Variants in ZFYVE1 observed in about 807,000 individuals in gnomAD.
ZFYVE1 encodes the protein zinc finger FYVE domain-containing protein 1.
In ZFYVE1, 30 loss-of-function variants were observed where a neutral mutation model predicts 74.4. That is an observed-to-expected ratio of 0.40 (90% confidence interval 0.30 to 0.55). The LOEUF is 0.55. ZFYVE1 is among the 20% of genes least tolerant of loss of function. ZFYVE1 has a pLI of 0.42. For missense variants in ZFYVE1, 703 were observed against 1,011.6 expected (o/e 0.69, Z 4.14); for synonymous variants, 335 against 385.1 (o/e 0.87, Z 1.52).
At chr14:73,018,874 G>A (rs746714970) in intron 2 of ZFYVE1, among the ~76,000 whole-genome samples, 20 of 151,762 alleles carry the variant, frequency 1.3e-4, no homozygotes, top group Non-Finnish European at 2.6e-4. Flanking sequence ...AACCCAGGAG[G>A]CGGAGGTTGT....
chr14:73,016,883 GA>G lies in ZFYVE1; in HGVS notation c.483+7142del, dbSNP rs578144383. 6.0e-3 allele frequency among the ~76,000 whole-genome samples: 907 copies of G among 150,544 alleles called. 14 individuals carry two copies. The highest frequency in any genetic ancestry group is 0.021 in the African/African-American group (868 of 41,076). Reference sequence around the variant, plus strand: ...GAGCAAAACTCCAGTTCCCAAAGAAGAAAAAAAAAGATCAATGAATACAACT... The same window carrying G: ...GAGCAAAACTCCAGTTCCCAAAGAAGAAAAAAAAGATCAATGAATACAACT... On this transcript the variant is annotated intron_variant, in intron 2 of 11. Coordinates refer to ENST00000556143, the MANE Select transcript of ZFYVE1 (RefSeq NM_021260.4).
intron 2 of ZFYVE1, among the ~76,000 whole-genome samples, chr14:73,006,709 CTTTTTTTT>C (rs35364666): frequency 9.0e-5 from 7 of 77,638 alleles, no homozygotes; most frequent in Admixed American, 1.7e-4. Flanking sequence ...ACCCCAGTTC[CTTTTTTTT>C]TTTTTTTTTT....
chr14:72,988,724 T>C (rs1893540638), intron 4 of ZFYVE1, among the ~76,000 whole-genome samples: 1 of 150,552 alleles, frequency 6.6e-6, no homozygotes, highest in South Asian at 2.1e-4. Context: ...TGAGAATCAC[T>C]TGAACCTGGG....
At chr14:73,025,346 G>A (rs573646011) in intron 1 of ZFYVE1, among the ~76,000 whole-genome samples, 2 of 151,980 alleles carry the variant, frequency 1.3e-5, no homozygotes, top group African/African-American at 2.4e-5. Context: ...TGGGATTACA[G>A]GCGTGAGTCA....
In ZFYVE1 at chr14:73,020,999, G is replaced by T. The variant is rs550243544; in HGVS notation, c.483+3027C>A. Among the ~76,000 whole-genome samples the T allele has an allele frequency of 1.2e-4, 18 of 152,242 alleles. No homozygotes were observed. In the South Asian group the frequency reaches 3.7e-3, roughly 32 times the overall value. Reference sequence around the variant, plus strand: ...TCTACCTGCCTGGGCCTCCCAAAGTGCTGGGATTACAGGTATGAGCCACCA... The same window carrying T: ...TCTACCTGCCTGGGCCTCCCAAAGTTCTGGGATTACAGGTATGAGCCACCA... On this transcript the variant is annotated intron_variant, in intron 2 of 11. Transcript: ENST00000556143.
rs771711612 is a variant in ZFYVE1 at position 73,011,875 on chromosome 14, C to CAT, written c.483+12149_483+12150dup. On this transcript the variant is annotated intron_variant, in intron 2 of 11. Transcript: ENST00000556143. ...AAGAAACCTATAATAAGATTGCATA[C>CAT]ATATATATATATATAAAATGCATAA... Among the ~76,000 whole-genome samples the CAT allele has an allele frequency of 6.7e-3, 987 of 147,762 alleles. 8 individuals carry two copies. Among genetic ancestry groups the CAT allele is most frequent in the East Asian group, 0.015 (75 of 4,906 alleles).
At chr14:73,023,993 T>C in intron 2 of ZFYVE1, 33 bp downstream of exon 2, 1 of 1,600,172 alleles carries the variant, frequency 6.2e-7, no homozygotes, top group South Asian at 1.1e-5. Context: ...TCTGCTCCAC[T>C]ACACATGAAT....
chr14:73,011,671 C>T (rs2140380955), intron 2 of ZFYVE1, among the ~76,000 whole-genome samples: 1 of 150,982 alleles, frequency 6.6e-6, no homozygotes, highest in East Asian at 2.1e-4. Context: ...AGGCGCCTAC[C>T]ACCATGCCAG....
rs377064535 is a variant in ZFYVE1, at chr14:73,024,479, C to T, written c.30G>A (p.Lys10=). 4.7e-5 allele frequency: 76 copies of T among 1,610,734 alleles called. No individual in the cohort carries two copies. Among genetic ancestry groups the T allele is most frequent in the Middle Eastern group, 3.3e-4 (2 of 6,072 alleles). The change falls in exon 2 of 12, where the codon AAG becomes AAA. Residue 10 remains lysine (K), a synonymous_variant. Coordinates refer to ENST00000556143, the MANE Select transcript of ZFYVE1 (RefSeq NM_021260.4). MSAQTSPAE[K]GLNPGLMCQE... ...GGCACATCAGCCCCGGATTCAGGCCCTTCTCTGCTGGGGAAGTCTGGGCAC... is the reference window on the plus strand; with the variant it reads ...GGCACATCAGCCCCGGATTCAGGCCTTTCTCTGCTGGGGAAGTCTGGGCAC...
chr14:72,971,214 C>T (rs926096346), intron 11 of ZFYVE1, 100 bp from the exon 12 acceptor site: 1 of 1,199,130 alleles, frequency 8.3e-7, no homozygotes, highest in Admixed American at 2.2e-5. Context: ...ATAATCCCAA[C>T]TGCACACAGA....
At chr14:72,985,400 T>C (rs1028738893) in intron 4 of ZFYVE1, among the ~76,000 whole-genome samples, 3 of 152,130 alleles carry the variant, frequency 2.0e-5, no homozygotes, top group East Asian at 1.9e-4. Context: ...TGGCATGATC[T>C]TGGCTCACTG....
intron 1 of ZFYVE1, among the ~76,000 whole-genome samples, chr14:73,025,606 G>T (rs1031556445): frequency 6.9e-6 from 1 of 144,366 alleles, no homozygotes; most frequent in South Asian, 2.2e-4. Context: ...TGAGGCAGGA[G>T]AATCACTTGA....
intron 4 of ZFYVE1, among the ~76,000 whole-genome samples, chr14:72,989,690 G>A (rs1488406821): frequency 6.6e-6 from 1 of 152,080 alleles, no homozygotes; most frequent in East Asian, 1.9e-4. Flanking sequence ...ACAGCATGAA[G>A]TTAAAAGCTC....
chr14:72,997,084 C>T lies in ZFYVE1; in HGVS notation c.988+727G>A, dbSNP rs190587799. Among the ~76,000 whole-genome samples, 430 of 152,302 alleles carry T rather than the reference C, an allele frequency of 2.8e-3. 6 individuals carry two copies. Among genetic ancestry groups the T allele is most frequent in the Admixed American group, 0.023 (345 of 15,286 alleles). ...TTATCTGCGACCGTGTCCATATTGT[C>T]TACTTTCTTTCCCATTGTTATGGAT... On this transcript the variant is annotated intron_variant, in intron 3 of 11. Transcript: ENST00000556143.
At position 72,975,853 on chromosome 14, in the gene ZFYVE1, G is replaced by A; in HGVS notation, c.1636-132C>T. The A allele has an allele frequency of 1.0e-6, 1 of 998,572 alleles. No individual in the cohort carries two copies. The highest frequency in any genetic ancestry group is 2.5e-5 in the East Asian group (1 of 39,642). 61.9% of individuals were successfully genotyped at this position (998,572 alleles called of 1,614,324 possible). ...ACTAACTCCCTGGCAGGGAAGAACG[G>A]AGACACACCAGGAATCCCTCTGGCT... On this transcript the variant is annotated intron_variant, in intron 8 of 11. Transcript: ENST00000556143. The surrounding 1 kb of genome is among the most constrained non-coding windows in gnomAD (Gnocchi z 4.1).
intron 6 of ZFYVE1, among the ~76,000 whole-genome samples, chr14:72,978,643 A>C (rs996270792): frequency 7.9e-5 from 12 of 151,736 alleles, no homozygotes; most frequent in African/African-American, 2.9e-4. Context: ...GCTCAACAGA[A>C]TGAGAAGAAA....
At chr14:73,021,551 T>C (rs140468761) in intron 2 of ZFYVE1, among the ~76,000 whole-genome samples, 9 of 152,326 alleles carry the variant, frequency 5.9e-5, no homozygotes, top group African/African-American at 2.2e-4. Flanking sequence ...CTAATTGTTT[T>C]GAACATTCAC....
intron 4 of ZFYVE1, among the ~76,000 whole-genome samples, chr14:72,984,889 T>C (rs886623805): frequency 1.9e-4 from 29 of 152,234 alleles, no homozygotes; most frequent in Admixed American, 1.9e-3. Context: ...TTCCTACCTT[T>C]GCATCCTCCT....
chr14:72,999,151 G>A (rs1323901481), intron 2 of ZFYVE1, among the ~76,000 whole-genome samples: 4 of 151,920 alleles, frequency 2.6e-5, no homozygotes, highest in African/African-American at 4.8e-5. Flanking sequence ...AAATGAGGCC[G>A]GGTGCGGTGG....
Sources: allele counts gnomAD v4.1 joint callset (sites outside exome capture counted in the v4.1 genomes callset), GRCh38; gene constraint gnomAD v4.1.1; non-coding constraint Gnocchi (gnomAD v3.1); transcripts MANE v1.5; gene names NCBI Gene and HGNC (gene_info 2026-07-23, HGNC 2026-07-21).